HEMK2: variants seen among roughly 807,000 people sequenced by gnomAD.
HEMK2 encodes HemK methyltransferase 2, ETF1 glutamine and histone H4 lysine.
chr21:28,820,989 T>C, the HEMK2 span, among the ~76,000 whole-genome samples: 1 of 152,226 alleles, frequency 6.6e-6, no homozygotes, highest in South Asian at 2.1e-4. Flanking sequence ...TATCAGTGTA[T>C]TCCTTTCCTC....
chr21:28,699,946 TTTC>T, the HEMK2 span, among the ~76,000 whole-genome samples: 2 of 152,236 alleles, frequency 1.3e-5, no homozygotes, highest in Admixed American at 6.5e-5. Context: ...ATCATTTAGA[TTTC>T]TTCAATACAG....
the HEMK2 span, among the ~76,000 whole-genome samples, chr21:28,758,103 TAAAC>T: frequency 6.6e-6 from 1 of 152,118 alleles, no homozygotes; most frequent in African/African-American, 2.4e-5. Context: ...GTTGGACAAA[TAAAC>T]TAAGTAAGAT....
chr21:28,859,923 G>A, the HEMK2 span, among the ~76,000 whole-genome samples: 2 of 152,146 alleles, frequency 1.3e-5, no homozygotes, highest in Admixed American at 6.5e-5. Context: ...GAGCTTCATC[G>A]TTGGAAACAA....
chr21:28,578,559 G>A, the HEMK2 span, among the ~76,000 whole-genome samples: 3 of 152,226 alleles, frequency 2.0e-5, no homozygotes, highest in African/African-American at 7.2e-5. Flanking sequence ...GGAGGTGTGG[G>A]AGGCAGGTTT....
the HEMK2 span, among the ~76,000 whole-genome samples, chr21:28,599,176 A>AGT: frequency 1.3e-5 from 2 of 152,252 alleles, no homozygotes; most frequent in Non-Finnish European, 2.9e-5. Context: ...AGAGGAAAAC[A>AGT]GTGAAATAAA....
chr21:28,877,845 A>G, the HEMK2 span, among the ~76,000 whole-genome samples: 1 of 152,258 alleles, frequency 6.6e-6, no homozygotes, highest in African/African-American at 2.4e-5. Flanking sequence ...AACGAACTAA[A>G]GAGTACAGCA....
At chr21:28,788,705 C>CA in the HEMK2 span, among the ~76,000 whole-genome samples, 177 of 126,548 alleles carry the variant, frequency 1.4e-3, 1 homozygote, top group South Asian at 2.1e-3. Flanking sequence ...TTAGGTACTC[C>CA]AAAAAAAAAA....
At chr21:28,602,006 T>A in the HEMK2 span, among the ~76,000 whole-genome samples, 2 of 152,226 alleles carry the variant, frequency 1.3e-5, no homozygotes, top group South Asian at 4.1e-4. Flanking sequence ...AACCATTTAA[T>A]TCATTGTACA....
the HEMK2 span, among the ~76,000 whole-genome samples, chr21:28,743,817 A>C: frequency 3.9e-5 from 6 of 152,210 alleles, no homozygotes; most frequent in Non-Finnish European, 7.3e-5. Context: ...TCTGGTAGCT[A>C]CAAGGGTTGC....
the HEMK2 span, among the ~76,000 whole-genome samples, chr21:28,675,668 T>C: frequency 5.7e-4 from 87 of 152,332 alleles, no homozygotes; most frequent in Non-Finnish European, 1.0e-3. Flanking sequence ...GGAACGCATA[T>C]TCTGACTTGG....
chr21:28,665,136 T>A, the HEMK2 span, among the ~76,000 whole-genome samples: 2 of 143,588 alleles, frequency 1.4e-5, no homozygotes, highest in South Asian at 4.4e-4. Flanking sequence ...AAAAAAAAAA[T>A]TAGCCAGGAG....
chr21:28,811,508 T>C, the HEMK2 span, among the ~76,000 whole-genome samples: 2 of 152,080 alleles, frequency 1.3e-5, no homozygotes, highest in Admixed American at 1.3e-4. Flanking sequence ...AAGGCTGATA[T>C]ATATTTAACA....
the HEMK2 span, among the ~76,000 whole-genome samples, chr21:28,628,745 C>T: frequency 7.2e-3 from 1,102 of 152,316 alleles, 9 homozygotes; most frequent in African/African-American, 0.025. Flanking sequence ...TGAGCCACCG[C>T]GCCCAGCCTG....
chr21:28,878,225 A>T, the HEMK2 span: 1 of 1,598,976 alleles, frequency 6.3e-7, no homozygotes, highest in Non-Finnish European at 8.5e-7. Flanking sequence ...ACTAAATAGA[A>T]TAATCCTCTT....
the HEMK2 span, among the ~76,000 whole-genome samples, chr21:28,586,757 G>A: frequency 6.6e-6 from 1 of 152,168 alleles, no homozygotes; most frequent in Non-Finnish European, 1.5e-5. Context: ...CCAAGACACA[G>A]ACTCTGGTAG....
At chr21:28,882,234 G>C in the HEMK2 span, 62 of 1,610,860 alleles carry the variant, frequency 3.8e-5, no homozygotes, top group Middle Eastern at 1.6e-4. Flanking sequence ...GCTGCCTCAG[G>C]GTTGATATCA....
At chr21:28,655,446 A>G in the HEMK2 span, among the ~76,000 whole-genome samples, 13 of 152,076 alleles carry the variant, frequency 8.5e-5, no homozygotes, top group Non-Finnish European at 1.8e-4. Context: ...TGAATTCATC[A>G]AGGAGAATAG....
chr21:28,709,416 G>A, the HEMK2 span, among the ~76,000 whole-genome samples: 1 of 152,156 alleles, frequency 6.6e-6, no homozygotes, highest in African/African-American at 2.4e-5. Context: ...GTAAAGTCAT[G>A]AATGAGAGTC....
the HEMK2 span, among the ~76,000 whole-genome samples, chr21:28,846,508 T>A: frequency 6.6e-6 from 1 of 152,228 alleles, no homozygotes; most frequent in African/African-American, 2.4e-5. Flanking sequence ...TATCTTGGAA[T>A]GGTATCTTGT....
Sources: allele counts gnomAD v4.1 joint callset (sites outside exome capture counted in the v4.1 genomes callset), GRCh38; gene constraint gnomAD v4.1.1; transcripts MANE v1.5; gene names NCBI Gene and HGNC (gene_info 2026-07-23, HGNC 2026-07-21).